Variants in PABPC1L observed in about 807,000 individuals in gnomAD.
PABPC1L encodes the protein poly(A) binding protein cytoplasmic 1 like.
In PABPC1L, 31 loss-of-function variants were observed where a neutral mutation model predicts 66.6. That is an observed-to-expected ratio of 0.47 (90% CI 0.35 to 0.63). The LOEUF is 0.63. Among genes scored for constraint, PABPC1L ranks in the 20% least tolerant of loss-of-function variants. PABPC1L has a pLI of 0.00. For missense variants in PABPC1L, 722 were observed against 848.8 expected (o/e 0.85, Z 1.86); for synonymous variants, 348 against 335.1 (o/e 1.04, Z -0.42).
intron 12 of PABPC1L, chr20:44,937,211 A>G (rs1047718472): frequency 5.8e-5 from 20 of 346,290 alleles, no homozygotes; most frequent in Non-Finnish European, 1.1e-4. Flanking sequence ...TCCTTGTGCA[A>G]TTCATCTTCA....
Position 44,916,838 on chromosome 20 carries a change from C to T in PABPC1L, c.470C>T (p.Thr157Ile). ...GAGGCCGCACAGCAGGCCATCAACA[C>T]CATGAATGGGATGCTGCTGAATGAC... is the stretch of plus-strand genomic sequence containing the variant. The part of the protein sequence containing the change: ...THEAAQQAIN[T>I]MNGMLLNDRK... The change falls in exon 3 of 15, where the codon ACC becomes ATC. Residue 157 changes from threonine to isoleucine, a missense_variant. Physicochemically the swap from Thr to Ile is moderately conservative, Grantham distance 89. Coordinates refer to ENST00000217073, the MANE Select transcript of PABPC1L (RefSeq NM_001372179.1). 6.2e-7 allele frequency: 1 copy of T among 1,614,190 alleles called. No homozygotes were observed. Among genetic ancestry groups the T allele is most frequent in the Non-Finnish European group, 8.5e-7 (1 of 1,180,034 alleles).
intron 10 of PABPC1L, 143 bp downstream of exon 10, chr20:44,933,328 G>C (rs2066876723): frequency 1.5e-6 from 1 of 670,986 alleles, no homozygotes; most frequent in Admixed American, 2.6e-5. Context: ...AGTTAGCTTG[G>C]CCTCCAGTTC....
rs1601103691 is a variant in PABPC1L at position 44,910,389 on chromosome 20, A to C, written c.193+53A>C. Reference sequence around the variant, plus strand: ...GAAGGACCGACGGACAAGCAGGCGGACAGACAGAAGCCGGAACTGGGCCGC... The same window carrying C: ...GAAGGACCGACGGACAAGCAGGCGGCCAGACAGAAGCCGGAACTGGGCCGC... On this transcript the variant is annotated intron_variant, in intron 1 of 14. Coordinates refer to ENST00000217073, the MANE Select transcript of PABPC1L (RefSeq NM_001372179.1). 3 of 1,439,554 alleles carry C rather than the reference A, an allele frequency of 2.1e-6. No individual in the cohort carries two copies. The African/African-American group carries it at 4.4e-5, about 21-fold the overall frequency. The allele number at this position is 1,439,554 out of a possible 1,614,324, so 89.2% of individuals were successfully genotyped here. A position where few individuals can be genotyped will look rare whatever the true frequency, so the allele number is the denominator to read the frequency against.
chr20:44,931,184 C>A, intron 8 of PABPC1L, among the ~76,000 whole-genome samples: 1 of 148,174 alleles, frequency 6.7e-6, no homozygotes, highest in East Asian at 2.0e-4. Context: ...CCCTTCCTCC[C>A]TTCCTCCCTT....
intron 1 of PABPC1L, among the ~76,000 whole-genome samples, chr20:44,910,846 T>A (rs548795445): frequency 3.9e-5 from 6 of 152,306 alleles, no homozygotes; most frequent in Admixed American, 3.9e-4. Flanking sequence ...AGATCCACAC[T>A]GGGCGCCTCT....
chr20:44,933,177 A>C lies in PABPC1L; in HGVS notation c.1451A>C (p.Gln484Pro). 1 of 1,605,432 alleles carries C rather than the reference A, an allele frequency of 6.2e-7. No individual in the cohort carries two copies. The highest frequency in any genetic ancestry group is 1.3e-5 in the African/African-American group (1 of 74,892). Residue 484 changes from glutamine (Q) to proline (P), a missense_variant, in exon 10 of 15, where the codon CAG becomes CCG. By Grantham distance (76) the Gln-to-Pro change is moderately conservative. Transcript: ENST00000217073. ...GTGCCACGCACGGTGCCTCATACCC[A>C]GAGAGTAGGTGAGTGTGGGTAGGGC... ...TQVPRTVPHT[Q>P]RVANIGTQTT...
chr20:44,932,482 C>G, intron 9 of PABPC1L, 50 bp downstream of exon 9: 1 of 1,511,706 alleles, frequency 6.6e-7, no homozygotes, highest in Non-Finnish European at 9.1e-7. Flanking sequence ...TGGTGTGGGC[C>G]CCGTGAGGCA....
chr20:44,938,586 C>T (rs999670827), intron 13 of PABPC1L, 88 bp from the exon 14 acceptor site: 1 of 1,462,104 alleles, frequency 6.8e-7, no homozygotes, highest in Non-Finnish European at 9.3e-7. Flanking sequence ...ATCCTGTATC[C>T]AGGATGGTGA....
At chr20:44,938,216 G>A in intron 13 of PABPC1L, 25 bp downstream of exon 13, 2 of 1,609,734 alleles carry the variant, frequency 1.2e-6, no homozygotes, top group Non-Finnish European at 1.7e-6. Context: ...GGGCAGCAGG[G>A]AGCCCGAGGG....
At chr20:44,932,594 A>G (rs1280795915) in intron 9 of PABPC1L, 162 bp downstream of exon 9, 3 of 600,738 alleles carry the variant, frequency 5.0e-6, no homozygotes, top group Non-Finnish European at 5.8e-6. Context: ...CCTGAATGAG[A>G]CGTGTGTAAA....
chr20:44,913,546 G>A (rs758695584), intron 2 of PABPC1L, among the ~76,000 whole-genome samples: 6 of 151,904 alleles, frequency 3.9e-5, no homozygotes, highest in East Asian at 1.9e-4. Context: ...TCAGCCTCCC[G>A]AGTAGCTGGA....
At chr20:44,923,375 C>G (rs530718665) in intron 6 of PABPC1L, among the ~76,000 whole-genome samples, 3 of 152,254 alleles carry the variant, frequency 2.0e-5, no homozygotes, top group African/African-American at 7.2e-5. Context: ...GTAATCCCAG[C>G]ACTTTGGGAG....
At position 44,936,626 on chromosome 20, in the gene PABPC1L, G is replaced by C. The variant is rs1382139092; in HGVS notation, c.1567-11G>C. 2 of 1,577,534 alleles carry C rather than the reference G, an allele frequency of 1.3e-6. No homozygotes were observed. Among genetic ancestry groups the C allele is most frequent in the Non-Finnish European group, 1.7e-6 (2 of 1,161,846 alleles). ...ATGGTGATTAAGGGATGTGTCCCCGGCACCATGCAGGTCCAGGAGCCGGCT... is the reference window on the plus strand; with the variant it reads ...ATGGTGATTAAGGGATGTGTCCCCGCCACCATGCAGGTCCAGGAGCCGGCT... On this transcript the variant is annotated splice_polypyrimidine_tract_variant and intron_variant, in intron 11 of 14. Transcript: ENST00000217073.
chr20:44,935,820 A>G (rs375457279), intron 11 of PABPC1L, among the ~76,000 whole-genome samples: 1 of 152,184 alleles, frequency 6.6e-6, no homozygotes, highest in South Asian at 2.1e-4. Context: ...AAAACAGAAA[A>G]TACTTACTGT....
At chr20:44,928,396 T>C (rs1408629275) in intron 7 of PABPC1L, among the ~76,000 whole-genome samples, 1 of 152,220 alleles carries the variant, frequency 6.6e-6, no homozygotes, top group Admixed American at 6.5e-5. Flanking sequence ...ATTAATGTGA[T>C]ATGAAAATAT....
At position 44,930,715 on chromosome 20, in the gene PABPC1L, G is replaced by T; in HGVS notation, c.1228G>T (p.Ala410Ser). 1.9e-6 allele frequency: 3 copies of T among 1,613,208 alleles called. No individual in the cohort carries two copies. Among genetic ancestry groups the T allele is most frequent in the Non-Finnish European group, 2.5e-6 (3 of 1,179,802 alleles). ...FQQPSSYFLP[A>S]MPQPPAQAAY... ...GCAGCCCTCCAGCTACTTCCTGCCTGCCATGCCCCAGGTGACGGCCTGCCC... is the reference window on the plus strand; with the variant it reads ...GCAGCCCTCCAGCTACTTCCTGCCTTCCATGCCCCAGGTGACGGCCTGCCC... Residue 410 changes from alanine (A) to serine (S), a missense_variant, in exon 8 of 15, where the codon GCC (alanine) becomes TCC (serine). By Grantham distance (99) the Ala-to-Ser change is moderately conservative. This residue lies in a region of PABPC1L where 301 missense variants were observed against 337.2 expected (regional missense o/e 0.89). Coordinates refer to ENST00000217073, the MANE Select transcript of PABPC1L (RefSeq NM_001372179.1).
chr20:44,926,840 C>G (rs1215238265), intron 7 of PABPC1L, among the ~76,000 whole-genome samples: 2 of 151,612 alleles, frequency 1.3e-5, no homozygotes, highest in Non-Finnish European at 2.9e-5. Flanking sequence ...AACCACTGTG[C>G]CTGGCCTATG....
chr20:44,918,414 G>A lies in PABPC1L; in HGVS notation c.504-492G>A, dbSNP rs149632191. The stretch of plus-strand genomic sequence containing the variant: ...CCCCATAGCAACACTAGCATTGACT[G>A]CGTCTAATTCACTTACCCCTGCTTC... On this transcript the variant is annotated intron_variant, in intron 3 of 14. Coordinates refer to ENST00000217073, the MANE Select transcript of PABPC1L (RefSeq NM_001372179.1). Among the ~76,000 whole-genome samples the A allele has an allele frequency of 3.5e-3, 527 of 152,316 alleles. 1 individual carries two copies. The highest frequency in any genetic ancestry group is 4.5e-3 in the Non-Finnish European group (308 of 68,024).
At position 44,910,193 on chromosome 20, in the gene PABPC1L, A is replaced by G; in HGVS notation, c.50A>G (p.Asp17Gly). The G allele has an allele frequency of 4.4e-6, 7 of 1,581,702 alleles. No individual in the cohort carries two copies. Among genetic ancestry groups the G allele is most frequent in the Non-Finnish European group, 6.0e-6 (7 of 1,164,294 alleles). The change falls in exon 1 of 15, where the codon GAT becomes GGT. Residue 17 changes from aspartate (D) to glycine (G), a missense_variant. By Grantham distance (94) the Asp-to-Gly change is moderately conservative. This residue lies in a region of PABPC1L where 284 missense variants were observed against 294.8 expected (regional missense o/e 0.96). Transcript: ENST00000217073. ...CCGCTTGCCTCGCTTTACGTGGGCG[A>G]TCTGCACCCCGACGTGACCGAGGCC... The part of the protein sequence containing the change: ...GYPLASLYVG[D>G]LHPDVTEAML...
Sources: gnomAD v4.1 joint callset for allele counts (sites outside exome capture counted in the v4.1 genomes callset) on GRCh38, gnomAD v4.1.1 for gene constraint, gnomAD v4.1.1 regional missense constraint, MANE v1.5 for transcripts, NCBI Gene and HGNC (gene_info 2026-07-23, HGNC 2026-07-21) for gene names.